The following GRAMD1B variants were observed in gnomAD, a reference collection of about 807,000 sequenced individuals.
The protein encoded by GRAMD1B is protein Aster-B.
Under a neutral mutation model 99.7 loss-of-function variants are expected in GRAMD1B, and 37 were observed. The observed-to-expected ratio is 0.37, with a 90% CI of 0.29 to 0.49. The LOEUF (loss-of-function observed/expected upper bound fraction) is 0.49, where lower values mean the gene tolerates loss of function less well. GRAMD1B is among the 20% of genes least tolerant of loss of function. The pLI is 0.98. For synonymous variants in GRAMD1B, 427 were observed against 387.6 expected (o/e 1.10, Z -1.19); for missense variants, 888 against 1,009.2 (o/e 0.88, Z 1.63).
intron 2 of GRAMD1B, among the ~76,000 whole-genome samples, chr11:123,550,227 G>C (rs1169993597): frequency 6.6e-6 from 1 of 152,118 alleles, no homozygotes; most frequent in Non-Finnish European, 1.5e-5. Context: ...TTTCCTCCTG[G>C]GTCTTGTGTC....
At chr11:123,368,258 C>CAAAAAAAAAA (rs1024340450) in intron 1 of GRAMD1B, among the ~76,000 whole-genome samples, 6 of 88,154 alleles carry the variant, frequency 6.8e-5, no homozygotes, top group South Asian at 4.0e-4. Flanking sequence ...CATCTTAAAA[C>CAAAAAAAAAA]AAAAAAAAAA....
Position 123,594,849 on chromosome 11 carries a change from G to A in GRAMD1B, c.873+11G>A, listed in dbSNP as rs368707875. ...CGCTGGGAAACTCTGGTAAAGACCT[G>A]GGCATGCTCCCTTGGGCTGTCTCCT... On this transcript the variant is annotated intron_variant, in intron 6 of 19. Coordinates refer to ENST00000635736, the MANE Select transcript of GRAMD1B (RefSeq NM_001387025.1). 194 of 1,431,250 alleles carry A rather than the reference G, an allele frequency of 1.4e-4. 1 individual carries two copies. Among genetic ancestry groups the A allele is most frequent in the Non-Finnish European group, 1.8e-4 (183 of 1,013,192 alleles). 88.7% of individuals were successfully genotyped at this position (1,431,250 alleles called of 1,614,324 possible).
intron 2 of GRAMD1B, among the ~76,000 whole-genome samples, chr11:123,532,824 T>G (rs1259355510): frequency 2.6e-5 from 4 of 152,246 alleles, no homozygotes; most frequent in African/African-American, 9.6e-5. Flanking sequence ...ATGTTACCAA[T>G]GATCACGTTC....
At chr11:123,444,126 G>C (rs990696230) in intron 1 of GRAMD1B, among the ~76,000 whole-genome samples, 3 of 152,176 alleles carry the variant, frequency 2.0e-5, no homozygotes, top group African/African-American at 7.2e-5. Flanking sequence ...GGTCTGGAAG[G>C]GGAAAAGTCT....
intron 1 of GRAMD1B, among the ~76,000 whole-genome samples, chr11:123,372,123 T>C (rs973893347): frequency 3.9e-5 from 6 of 152,236 alleles, no homozygotes; most frequent in African/African-American, 1.4e-4. Flanking sequence ...GTGGTTCTGA[T>C]TTCTTCCACT....
intron 1 of GRAMD1B, among the ~76,000 whole-genome samples, chr11:123,381,740 A>T (rs1343774745): frequency 6.6e-6 from 1 of 152,234 alleles, no homozygotes; most frequent in Non-Finnish European, 1.5e-5. Context: ...TCTTGGAACT[A>T]TGCTATTTTT....
At chr11:123,526,189 A>AG in intron 2 of GRAMD1B, 1 of 1,605,794 alleles carries the variant, frequency 6.2e-7, no homozygotes, top group Non-Finnish European at 8.5e-7. Context: ...GAGGAGGGAT[A>AG]GGGCACCTTC....
At chr11:123,532,779 G>A (rs556303292) in intron 2 of GRAMD1B, among the ~76,000 whole-genome samples, 3 of 152,256 alleles carry the variant, frequency 2.0e-5, no homozygotes, top group South Asian at 2.1e-4. Context: ...AATTCCATAC[G>A]TTTTATTAGA....
At chr11:123,483,662 C>T (rs190202825) in intron 2 of GRAMD1B, among the ~76,000 whole-genome samples, 2 of 152,286 alleles carry the variant, frequency 1.3e-5, no homozygotes, top group East Asian at 3.9e-4. Flanking sequence ...GTTGGGATTA[C>T]AGGCATTAGC....
At chr11:123,572,348 A>G (rs1263634147) in intron 2 of GRAMD1B, among the ~76,000 whole-genome samples, 2 of 152,214 alleles carry the variant, frequency 1.3e-5, no homozygotes, top group African/African-American at 4.8e-5. Context: ...GTTATTAATA[A>G]TAGTGGCAGG....
At chr11:123,482,742 A>G (rs1951681250) in intron 2 of GRAMD1B, among the ~76,000 whole-genome samples, 2 of 152,198 alleles carry the variant, frequency 1.3e-5, no homozygotes, top group Non-Finnish European at 1.5e-5. Flanking sequence ...GAATGATTAT[A>G]TCATAACTAT....
chr11:123,377,042 T>C (rs1419776186), intron 1 of GRAMD1B, among the ~76,000 whole-genome samples: 1 of 152,210 alleles, frequency 6.6e-6, no homozygotes, highest in Non-Finnish European at 1.5e-5. Flanking sequence ...CATTTTCGCC[T>C]GCCTGAATAA....
chr11:123,614,856 C>T (rs1954129738), intron 17 of GRAMD1B, 21 bp downstream of exon 17: 1 of 1,414,248 alleles, frequency 7.1e-7, no homozygotes, highest in African/African-American at 1.4e-5. Flanking sequence ...CTAGGTTTTC[C>T]TATCCTGCCC....
intron 1 of GRAMD1B, among the ~76,000 whole-genome samples, chr11:123,372,396 G>A (rs1177688796): frequency 6.6e-6 from 1 of 152,162 alleles, no homozygotes; most frequent in Non-Finnish European, 1.5e-5. Context: ...CAAGAAAATG[G>A]AAATCACTCA....
intron 7 of GRAMD1B, chr11:123,598,363 T>G: frequency 9.2e-7 from 1 of 1,081,170 alleles, no homozygotes; most frequent in South Asian, 1.2e-5. Context: ...CTCTCACTGA[T>G]TTGCTCTTTT....
Position 123,595,993 on chromosome 11 carries a change from C to T in GRAMD1B, c.925C>T (p.Arg309Cys). Residue 309 changes from arginine to cysteine, a missense_variant, in exon 7 of 20, where the codon CGC becomes TGC. By Grantham distance (180) the Arg-to-Cys change is radical. Around this residue, in one of 5 missense-constraint regions of GRAMD1B, gnomAD observed 62 missense variants for 139.4 expected, o/e 0.44. Coordinates refer to ENST00000635736, the MANE Select transcript of GRAMD1B (RefSeq NM_001387025.1). ...TTCCATGACTAAAGAAAAAACAGCT[C>T]GCCTCATTCCCAATGCCATCCAAGT... Reference protein sequence around the residue: ...ICSMTKEKTARLIPNAIQVCT... With the variant: ...ICSMTKEKTACLIPNAIQVCT... 6.2e-7 allele frequency: 1 copy of T among 1,609,122 alleles called. No homozygotes were observed.
chr11:123,429,448 T>C (rs530798025), upstream of GRAMD1B, among the ~76,000 whole-genome samples: 2 of 152,064 alleles, frequency 1.3e-5, no homozygotes, highest in African/African-American at 4.8e-5. This position sits in a 1 kb window ranked among gnomAD's most constrained non-coding sequence, Gnocchi z 4.0. Flanking sequence ...CTAGGTTCCA[T>C]GACATGGGGA....
intron 1 of GRAMD1B, among the ~76,000 whole-genome samples, chr11:123,402,174 C>T (rs1392610752): frequency 6.6e-6 from 1 of 152,266 alleles, no homozygotes; most frequent in African/African-American, 2.4e-5. Context: ...TGCCACCACA[C>T]CCAGCTAATT....
chr11:123,477,779 C>CTT (rs1406332432), intron 1 of GRAMD1B, among the ~76,000 whole-genome samples: 1 of 83,398 alleles, frequency 1.2e-5, no homozygotes, highest in African/African-American at 4.1e-5. Context: ...CTTTTCTTCT[C>CTT]TTTTTTTGTT....
Sources: allele counts gnomAD v4.1 joint callset (sites outside exome capture counted in the v4.1 genomes callset), GRCh38; gene constraint gnomAD v4.1.1; regional missense constraint gnomAD v4.1.1; non-coding constraint Gnocchi (gnomAD v3.1); transcripts MANE v1.5; gene names NCBI Gene and HGNC (gene_info 2026-07-23, HGNC 2026-07-21).